The following ABL1 variants were observed in gnomAD, a reference collection of about 807,000 sequenced individuals.
The protein encoded by ABL1 is ABL proto-oncogene 1, non-receptor tyrosine kinase.
A neutral mutation model predicts 94.7 loss-of-function variants in ABL1; 11 were observed. That is an observed-to-expected ratio of 0.12 (90% confidence interval 0.07 to 0.19). The LOEUF is 0.19. Among genes scored for constraint, ABL1 ranks in the 10% least tolerant of loss-of-function variants. ABL1 has a pLI of 1.00. For missense variants in ABL1, 1,082 were observed against 1,489.4 expected (o/e 0.73, Z 4.50); for synonymous variants, 656 against 622.4 (o/e 1.05, Z -0.80).
chr9:130,856,860 T>C (rs531956205), intron 3 of ABL1, among the ~76,000 whole-genome samples: 9 of 152,376 alleles, frequency 5.9e-5, no homozygotes, highest in African/African-American at 1.4e-4. Context: ...CTGTCACTTA[T>C]TTCAGTAGTC....
chr9:130,833,180 G>A (rs1222069802), upstream of ABL1, among the ~76,000 whole-genome samples: 4 of 152,132 alleles, frequency 2.6e-5, no homozygotes, highest in Non-Finnish European at 5.9e-5. Context: ...GGTATTCAAG[G>A]ATATGGCTAG....
intron 1 of ABL1, among the ~76,000 whole-genome samples, chr9:130,780,143 C>T (rs997786882): frequency 7.9e-5 from 12 of 152,194 alleles, no homozygotes; most frequent in Non-Finnish European, 1.5e-4. Flanking sequence ...AAAAATACTC[C>T]GGGCGCAGTG....
intron 3 of ABL1, among the ~76,000 whole-genome samples, chr9:130,861,996 C>T (rs113047726): frequency 0.013 from 1,984 of 152,358 alleles, 46 homozygotes; most frequent in African/African-American, 0.043. Flanking sequence ...TAGGTCCTCA[C>T]CTGCTGTAGC....
intron 1 of ABL1, among the ~76,000 whole-genome samples, chr9:130,732,018 C>CT (rs536762729): frequency 3.6e-4 from 53 of 146,164 alleles, no homozygotes; most frequent in Middle Eastern, 3.5e-3. Context: ...TTTCTCTATT[C>CT]TTTTTTTTTT....
At chr9:130,713,232 G>C (rs901374454) in exon 1 of ABL1, among the ~76,000 whole-genome samples, 2 of 152,142 alleles carry the variant, frequency 1.3e-5, no homozygotes, top group Admixed American at 6.5e-5. Context: ...TCAGCGTCCG[G>C]GGCCGGGGGA....
chr9:130,714,337 A>G (rs1241622879), exon 1 of ABL1: 1 of 1,610,444 alleles, frequency 6.2e-7, no homozygotes, highest in Admixed American at 1.7e-5. Flanking sequence ...AGCAGCCTGG[A>G]AAAGTACTTG....
At chr9:130,787,492 C>G (rs1829845520) in intron 1 of ABL1, among the ~76,000 whole-genome samples, 1 of 152,180 alleles carries the variant, frequency 6.6e-6, no homozygotes, top group Non-Finnish European at 1.5e-5. Flanking sequence ...ACCTCACCCC[C>G]AGGAGCAGCA....
chr9:130,735,957 ATATAT>A lies in ABL1; in HGVS notation c.136+21504_136+21508del, dbSNP rs1358597680. ...TGCATATATATATATATATATATAT[ATATAT>A]TTTTTTTTTTTAAGACAGGGTCTGG... On this transcript the variant is annotated intron_variant, in intron 1 of 10. Coordinates refer to the ABL1 transcript ENST00000372348. Among the ~76,000 whole-genome samples, 400 of 43,828 alleles carry A rather than the reference ATATAT, an allele frequency of 9.1e-3. 1 individual carries two copies. Among genetic ancestry groups the A allele is most frequent in the Admixed American group, 0.012 (42 of 3,526 alleles). 28.8% of individuals were successfully genotyped at this position (43,828 alleles called of 152,430 possible).
intron 10 of ABL1, among the ~76,000 whole-genome samples, chr9:130,882,022 T>C (rs1429323042): frequency 3.9e-5 from 6 of 152,150 alleles, no homozygotes; most frequent in African/African-American, 1.4e-4. Flanking sequence ...AGTCCAAATT[T>C]GCAATACTTC....
rs1049905902 is a variant in ABL1 at position 130,887,315 on chromosome 9, C to T, written c.*1632C>T. The T allele has an allele frequency of 9.4e-5, 22 of 233,124 alleles. No homozygotes were observed. The highest frequency in any genetic ancestry group is 1.5e-4 in the African/African-American group (7 of 45,354). 14.4% of individuals were successfully genotyped at this position (233,124 alleles called of 1,614,324 possible). On this transcript the variant is annotated 3_prime_UTR_variant, in exon 11 of 11. Coordinates refer to ENST00000318560, the MANE Select transcript of ABL1 (RefSeq NM_005157.6). ...CAGCACATCACCTCTTTGCCCCCGA[C>T]GGCTGTGACGCAGCCGGAGGGAGGC...
At chr9:130,725,568 T>G (rs1283028237) in intron 1 of ABL1, among the ~76,000 whole-genome samples, 1 of 151,736 alleles carries the variant, frequency 6.6e-6, no homozygotes, top group Non-Finnish European at 1.5e-5. Flanking sequence ...TTAGTAGAGA[T>G]GGGGTTTCTC....
In ABL1 at chr9:130,886,881, C is replaced by A. The variant is rs751755709; in HGVS notation, c.*1198C>A. The A allele has an allele frequency of 6.0e-5, 14 of 232,948 alleles. 1 individual carries two copies. Among genetic ancestry groups the A allele is most frequent in the Non-Finnish European group, 1.1e-4 (13 of 117,808 alleles). The allele number at this position is 232,948 out of a possible 1,614,324, so 14.4% of individuals were successfully genotyped here. On this transcript the variant is annotated 3_prime_UTR_variant, in exon 11 of 11. Transcript: ENST00000318560. ...GTCCTGGCTGCACTCTTGAACTGGG[C>A]GAATGTCTTATTTAATTACCGTGAG...
At chr9:130,748,399 A>T (rs36113260) in intron 1 of ABL1, among the ~76,000 whole-genome samples, 1 of 152,022 alleles carries the variant, frequency 6.6e-6, no homozygotes, top group African/African-American at 2.4e-5. Flanking sequence ...ATAAGAGTTG[A>T]ATGTTGTATC....
chr9:130,882,267 C>T (rs1286720423), intron 10 of ABL1, among the ~76,000 whole-genome samples: 1 of 152,052 alleles, frequency 6.6e-6, no homozygotes, highest in African/African-American at 2.4e-5. Flanking sequence ...CTTGGTGAGC[C>T]GAGGGTGTCA....
At chr9:130,837,328 C>T (rs987511066) in intron 1 of ABL1, among the ~76,000 whole-genome samples, 4 of 152,228 alleles carry the variant, frequency 2.6e-5, no homozygotes, top group African/African-American at 9.6e-5. Context: ...ATCATCTCCA[C>T]TTTGCAGATG....
At chr9:130,768,933 G>C (rs865836853) in intron 1 of ABL1, among the ~76,000 whole-genome samples, 3 of 152,176 alleles carry the variant, frequency 2.0e-5, no homozygotes, top group Non-Finnish European at 2.9e-5. Flanking sequence ...GGAAAAGCAA[G>C]GGTAATATAA....
At chr9:130,801,827 C>T (rs1830059564) in intron 1 of ABL1, among the ~76,000 whole-genome samples, 1 of 152,162 alleles carries the variant, frequency 6.6e-6, no homozygotes, top group Non-Finnish European at 1.5e-5. Context: ...TTCTCTCTCA[C>T]TGCTTTTAAG....
At chr9:130,730,689 A>G (rs1356474648) in intron 1 of ABL1, among the ~76,000 whole-genome samples, 1 of 151,502 alleles carries the variant, frequency 6.6e-6, no homozygotes, top group East Asian at 2.0e-4. Context: ...CTCCAACTTC[A>G]TCCTCCTGAG....
intron 4 of ABL1, among the ~76,000 whole-genome samples, chr9:130,870,310 C>CA (rs1178600937): frequency 6.6e-6 from 1 of 152,120 alleles, no homozygotes; most frequent in African/African-American, 2.4e-5. Flanking sequence ...ACATACCTCT[C>CA]AAGATTATTA....
Sources: allele counts gnomAD v4.1 joint callset (sites outside exome capture counted in the v4.1 genomes callset), GRCh38; gene constraint gnomAD v4.1.1; transcripts MANE v1.5; gene names NCBI Gene and HGNC (gene_info 2026-07-23, HGNC 2026-07-21).